The following TNNI3K variants were observed in gnomAD, a reference collection of about 807,000 sequenced individuals.
TNNI3K encodes serine/threonine-protein kinase TNNI3K.
Under a neutral mutation model 114.5 loss-of-function variants are expected in TNNI3K, and 140 were observed. That is an observed-to-expected ratio of 1.22 (90% CI 1.07 to 1.41). The LOEUF is 1.41. Ranked by LOEUF, TNNI3K falls within the 40% of genes most tolerant of loss-of-function variation. The pLI, the probability that TNNI3K is intolerant of heterozygous loss-of-function variation, is 0.00. For synonymous variants in TNNI3K, 347 were observed against 347.5 expected (o/e 1.00, Z 0.02); for missense variants, 1,125 against 1,007.6 (o/e 1.12, Z -1.58).
chr1:74,386,541 A>G (rs1384256879), intron 17 of TNNI3K, among the ~76,000 whole-genome samples: 2 of 152,178 alleles, frequency 1.3e-5, no homozygotes. Context: ...TTTACAATCA[A>G]GTTCAAGAAA....
intron 21 of TNNI3K, among the ~76,000 whole-genome samples, chr1:74,488,656 G>A (rs958260876): frequency 1.3e-5 from 2 of 151,986 alleles, no homozygotes; most frequent in Admixed American, 6.6e-5. Flanking sequence ...GGTTCATAAT[G>A]GGCAATATTT....
intron 6 of TNNI3K, among the ~76,000 whole-genome samples, chr1:74,334,867 G>A (rs1318821791): frequency 1.3e-5 from 2 of 152,190 alleles, no homozygotes; most frequent in African/African-American, 4.8e-5. Context: ...CATGACTCTA[G>A]AGAGGATTAT....
chr1:74,261,054 G>T (rs1032219596), intron 4 of TNNI3K, among the ~76,000 whole-genome samples: 2 of 151,930 alleles, frequency 1.3e-5, no homozygotes, highest in Non-Finnish European at 2.9e-5. Flanking sequence ...TTTATATGAA[G>T]CTCAGATTGG....
chr1:74,340,498 CTA>C (rs1457185660), intron 7 of TNNI3K, among the ~76,000 whole-genome samples: 12 of 152,222 alleles, frequency 7.9e-5, no homozygotes, highest in African/African-American at 2.6e-4. Context: ...CGCATAAATT[CTA>C]TGTCTGATTC....
intron 20 of TNNI3K, among the ~76,000 whole-genome samples, chr1:74,440,795 AG>A (rs1467064765): frequency 6.6e-6 from 1 of 152,102 alleles, no homozygotes; most frequent in African/African-American, 2.4e-5. Context: ...GCCATTTGTA[AG>A]GTCTTGTTCT....
At chr1:74,522,823 G>A (rs1353633418) in intron 23 of TNNI3K, among the ~76,000 whole-genome samples, 1 of 151,990 alleles carries the variant, frequency 6.6e-6, no homozygotes, top group Non-Finnish European at 1.5e-5. Flanking sequence ...CTGGCTTTAT[G>A]GAAACTTTAC....
At chr1:74,285,013 T>A (rs932704464) in intron 5 of TNNI3K, among the ~76,000 whole-genome samples, 13 of 152,238 alleles carry the variant, frequency 8.5e-5, no homozygotes, top group Non-Finnish European at 1.6e-4. Flanking sequence ...TAAAGGGCAA[T>A]GGATACACAT....
chr1:74,308,067 G>T (rs1025525508), intron 5 of TNNI3K, among the ~76,000 whole-genome samples: 1 of 151,732 alleles, frequency 6.6e-6, no homozygotes, highest in Non-Finnish European at 1.5e-5. Context: ...AATAATAGTG[G>T]AGGACTTCAA....
chr1:74,250,807 C>A, intron 4 of TNNI3K, 38 bp downstream of exon 4: 436 of 1,102,038 alleles, frequency 4.0e-4, no homozygotes, highest in Non-Finnish European at 5.3e-4. Context: ...TGCATTGGAA[C>A]TAAGGATAGT....
chr1:74,513,833 C>T (rs1204995221), intron 23 of TNNI3K, among the ~76,000 whole-genome samples: 2 of 152,112 alleles, frequency 1.3e-5, no homozygotes, highest in Non-Finnish European at 2.9e-5. Context: ...AAAAAGGAGA[C>T]CTGAAAGCAT....
At chr1:74,392,872 T>C (rs1334359721) in intron 17 of TNNI3K, among the ~76,000 whole-genome samples, 2 of 152,246 alleles carry the variant, frequency 1.3e-5, no homozygotes, top group Non-Finnish European at 2.9e-5. Context: ...ATAATTAAGG[T>C]TCAGGCAGTA....
chr1:74,294,480 C>T (rs537234587), intron 5 of TNNI3K, among the ~76,000 whole-genome samples: 1 of 152,016 alleles, frequency 6.6e-6, no homozygotes, highest in Non-Finnish European at 1.5e-5. Context: ...CTCTTTCTAA[C>T]TCTCTCCTCA....
chr1:74,369,854 T>C lies in TNNI3K; in HGVS notation c.1667+269T>C, dbSNP rs184160524. 2.5e-3 allele frequency: 870 copies of C among 350,048 alleles called. 4 individuals are homozygous for C. Among genetic ancestry groups the C allele is most frequent in the South Asian group, 0.019 (169 of 8,910 alleles). The allele number at this position is 350,048 out of a possible 1,614,324, so 21.7% of individuals were successfully genotyped here. The stretch of plus-strand genomic sequence containing the variant: ...AAACTGGAGCTTAAAATAATTAGGC[T>C]AAATTTGAAATACTGATAAAGAAGA... On this transcript the variant is annotated intron_variant, in intron 16 of 24. Transcript: ENST00000326637.
chr1:74,489,076 A>G (rs1668907275), intron 21 of TNNI3K, 113 bp from the exon 22 acceptor site: 1 of 800,584 alleles, frequency 1.2e-6, no homozygotes, highest in Non-Finnish European at 1.9e-6. Context: ...AAATAAAAAT[A>G]TACTTTATTG....
chr1:74,396,842 G>A (rs1664107004), intron 17 of TNNI3K, among the ~76,000 whole-genome samples: 1 of 152,206 alleles, frequency 6.6e-6, no homozygotes, highest in Admixed American at 6.5e-5. Flanking sequence ...AAAATATTCA[G>A]GATTAGATCC....
At chr1:74,537,808 T>C (rs1469207988) in intron 23 of TNNI3K, among the ~76,000 whole-genome samples, 1 of 152,130 alleles carries the variant, frequency 6.6e-6, no homozygotes, top group Non-Finnish European at 1.5e-5. Context: ...ACTGGGAGTT[T>C]TCAAGAGGGC....
At chr1:74,446,482 T>C (rs1214599202) in intron 20 of TNNI3K, among the ~76,000 whole-genome samples, 1 of 148,576 alleles carries the variant, frequency 6.7e-6, no homozygotes, top group African/African-American at 2.5e-5. Context: ...TTCTCCCATT[T>C]TGTAGGTTGC....
intron 4 of TNNI3K, among the ~76,000 whole-genome samples, chr1:74,266,462 T>C (rs1557461428): frequency 6.6e-6 from 1 of 151,992 alleles, no homozygotes; most frequent in Non-Finnish European, 1.5e-5. Context: ...CTCCACGCTA[T>C]TGATCACAAT....
At chr1:74,481,012 T>G in intron 21 of TNNI3K, 3 of 664,074 alleles carry the variant, frequency 4.5e-6, no homozygotes, top group Non-Finnish European at 8.4e-6. Context: ...TACACATGAG[T>G]GGGAGGGAGG....
Sources: allele counts gnomAD v4.1 joint callset (sites outside exome capture counted in the v4.1 genomes callset), GRCh38; gene constraint gnomAD v4.1.1; transcripts MANE v1.5; gene names NCBI Gene and HGNC (gene_info 2026-07-23, HGNC 2026-07-21).